ELN: variants seen among roughly 807,000 people sequenced by gnomAD.
The protein encoded by ELN is elastin.
ELN carries 65 observed loss-of-function variants against 105.8 expected under a neutral mutation model. The ratio of observed to expected loss-of-function variants is 0.61; its 90% CI spans 0.50 to 0.75. ELN has a LOEUF of 0.75. Among genes scored for constraint, ELN ranks in the 30% least tolerant of loss-of-function variants. The pLI is 0.00. For synonymous variants in ELN, 368 were observed against 389.2 expected, an observed-to-expected ratio of 0.95 and a Z score of 0.64; for missense variants, 882 against 969.4, an observed-to-expected ratio of 0.91 and a Z score of 1.20.
At position 74,066,016 on chromosome 7, in the gene ELN, G is replaced by A. The variant is rs1554689005; in HGVS notation, c.2086+19G>A. The A allele has an allele frequency of 6.2e-7, 1 of 1,614,058 alleles. No individual in the cohort carries two copies. The highest frequency in any genetic ancestry group is 1.7e-5 in the Admixed American group (1 of 60,018). ...CTTGGAGGTAGGGGTGGCCAGCTCTGCTACGTAGTCCTCAGCTCTGTCCCG... is the reference window on the plus strand; with the variant it reads ...CTTGGAGGTAGGGGTGGCCAGCTCTACTACGTAGTCCTCAGCTCTGTCCCG... On this transcript the variant is annotated intron_variant, in intron 31 of 32. Coordinates refer to ENST00000252034, the MANE Select transcript of ELN (RefSeq NM_000501.4).
chr7:74,048,173 G>A lies in ELN; in HGVS notation c.717G>A (p.Ala239=), dbSNP rs782502253. 95 of 1,613,822 alleles carry A rather than the reference G, an allele frequency of 5.9e-5. No homozygotes were observed. The Admixed American group carries it at 7.7e-4, about 13-fold the overall frequency. ...GGCCCGGAGGAGTGGCTGGTGCAGC[G>A]GGCAAGGCTGGTTACCCAACAGGGA... is the stretch of plus-strand genomic sequence containing the variant. ...GYGPGGVAGA[A]GKAGYPTGTG... Residue 239 remains alanine, a synonymous_variant, in exon 14 of 33, where the codon GCG becomes GCA. Coordinates refer to ENST00000252034, the MANE Select transcript of ELN (RefSeq NM_000501.4).
chr7:74,043,796 G>A, intron 8 of ELN, 83 bp from the exon 9 acceptor site: 4 of 1,569,484 alleles, frequency 2.5e-6, no homozygotes, highest in Non-Finnish European at 3.5e-6. Flanking sequence ...TGAGGGCCTT[G>A]GAGCTGCCTG....
chr7:74,055,633 C>T (rs537781997), intron 19 of ELN, among the ~76,000 whole-genome samples: 187 of 152,030 alleles, frequency 1.2e-3, no homozygotes, highest in Non-Finnish European at 2.4e-3. Flanking sequence ...ACATGCACCA[C>T]CATGCCTGGC....
chr7:74,055,787 A>G (rs1563834343), intron 19 of ELN, among the ~76,000 whole-genome samples: 2 of 133,148 alleles, frequency 1.5e-5, no homozygotes, highest in Middle Eastern at 6.8e-3. Flanking sequence ...GGCCAAAAAA[A>G]AGAAATTTTT....
At chr7:74,062,477 A>G (rs868973303) in intron 26 of ELN, among the ~76,000 whole-genome samples, 35 of 152,338 alleles carry the variant, frequency 2.3e-4, no homozygotes, top group Admixed American at 1.2e-3. Context: ...GCTGCAATGC[A>G]TAAAAAATGG....
At chr7:74,055,070 A>G (rs782321055) in intron 19 of ELN, among the ~76,000 whole-genome samples, 14 of 152,268 alleles carry the variant, frequency 9.2e-5, no homozygotes, top group Non-Finnish European at 1.6e-4. Flanking sequence ...GATTCTGCCA[A>G]TAGTCTCTCT....
intron 22 of ELN, among the ~76,000 whole-genome samples, chr7:74,058,123 TTCTTCTTCTCCTTCC>T (rs1554681538): frequency 2.6e-5 from 4 of 151,070 alleles, no homozygotes; most frequent in Admixed American, 1.3e-4. Flanking sequence ...CTTCTCATTC[TTCTTCTTCTCCTTCC>T]TCTTCTTCTC....
chr7:74,057,709 C>T lies in ELN; in HGVS notation c.1414+13C>T. The stretch of plus-strand genomic sequence containing the variant: ...GCCGCCCAGTTTGGTAAGTCCCCCT[C>T]ACCCCCGCCACTGGCTCACGGAGAA... On this transcript the variant is annotated intron_variant, in intron 22 of 32. Coordinates refer to ENST00000252034, the MANE Select transcript of ELN (RefSeq NM_000501.4). 1 of 1,612,054 alleles carries T rather than the reference C, an allele frequency of 6.2e-7. No individual in the cohort carries two copies. Among genetic ancestry groups the T allele is most frequent in the Non-Finnish European group, 8.5e-7 (1 of 1,179,182 alleles).
chr7:74,048,139 C>T lies in ELN; in HGVS notation c.686-3C>T, dbSNP rs1554673606. The T allele has an allele frequency of 1.2e-6, 2 of 1,614,068 alleles. No individual in the cohort carries two copies. The highest frequency in any genetic ancestry group is 2.2e-5 in the East Asian group (1 of 44,886). ...ATGACCATCAAGCCTCTCTGTTTTG[C>T]AGGCTATGGGCCCGGAGGAGTGGCT... On this transcript the variant is annotated splice_polypyrimidine_tract_variant and splice_region_variant and intron_variant, in intron 13 of 32. Coordinates refer to ENST00000252034, the MANE Select transcript of ELN (RefSeq NM_000501.4).
intron 25 of ELN, chr7:74,060,723 G>A: frequency 2.4e-6 from 3 of 1,258,794 alleles, no homozygotes; most frequent in Non-Finnish European, 3.3e-6. Context: ...CTCCTCAGTA[G>A]AGGGGTGGCA....
At position 74,037,152 on chromosome 7, in the gene ELN, C is replaced by T. The variant is rs890016630; in HGVS notation, c.164-555C>T. ...CCGGCCCCTTCCTATTTCTTTTTAT[C>T]CTCAAAAACCTCCCTGCCAAGCCGG... is the stretch of plus-strand genomic sequence containing the variant. On this transcript the variant is annotated intron_variant, in intron 3 of 32. Coordinates refer to ENST00000252034, the MANE Select transcript of ELN (RefSeq NM_000501.4). Among the ~76,000 whole-genome samples the T allele has an allele frequency of 1.0e-4, 15 of 150,474 alleles. 1 individual carries two copies. Among genetic ancestry groups the T allele is most frequent in the Middle Eastern group, 3.6e-3 (1 of 280 alleles).
At chr7:74,061,245 G>A in intron 26 of ELN, 106 bp downstream of exon 26, 3 of 1,427,588 alleles carry the variant, frequency 2.1e-6, no homozygotes, top group South Asian at 1.2e-5. Flanking sequence ...GGCCGGGCGT[G>A]GTGGCTCACA....
intron 11 of ELN, 60 bp from the exon 12 acceptor site, chr7:74,046,636 G>A: frequency 1.9e-6 from 3 of 1,571,560 alleles, no homozygotes; most frequent in Middle Eastern, 1.7e-4. Flanking sequence ...AAGTGGAGTG[G>A]GTGGCGGAGG....
intron 25 of ELN, 138 bp downstream of exon 25, chr7:74,060,639 TG>T: frequency 1.9e-6 from 3 of 1,555,894 alleles, no homozygotes; most frequent in Non-Finnish European, 1.7e-6. Flanking sequence ...CCTAAGCATC[TG>T]GGGGTAACAG....
chr7:74,066,728 G>A lies in ELN; in HGVS notation c.2087-4G>A, dbSNP rs782528340. The stretch of plus-strand genomic sequence containing the variant: ...AACCCACCAACCTGAAATCTCTCCT[G>A]CAGGAGTGGCAGCAAGACCTGGCTT... On this transcript the variant is annotated splice_polypyrimidine_tract_variant and splice_region_variant and intron_variant, in intron 31 of 32. Transcript: ENST00000252034. 1.4e-5 allele frequency: 22 copies of A among 1,613,784 alleles called. No individual in the cohort carries two copies. The highest frequency in any genetic ancestry group is 1.7e-5 in the Non-Finnish European group (20 of 1,179,866).
At chr7:74,060,644 G>C (rs781969220) in intron 25 of ELN, 143 bp downstream of exon 25, 1 of 1,551,756 alleles carries the variant, frequency 6.4e-7, no homozygotes, top group South Asian at 1.2e-5. Context: ...GCATCTGGGG[G>C]TAACAGATAG....
intron 4 of ELN, among the ~76,000 whole-genome samples, chr7:74,040,536 C>T (rs1790967162): frequency 6.6e-6 from 1 of 152,224 alleles, no homozygotes; most frequent in Non-Finnish European, 1.5e-5. Context: ...GGACTCACCC[C>T]TGAGGCTCAG....
intron 15 of ELN, among the ~76,000 whole-genome samples, chr7:74,050,292 T>C (rs1421704050): frequency 6.6e-6 from 1 of 151,584 alleles, no homozygotes; most frequent in Non-Finnish European, 1.5e-5. Flanking sequence ...CACTCATCCA[T>C]CCATTCCTCC....
intron 1 of ELN, among the ~76,000 whole-genome samples, chr7:74,032,065 C>G (rs1168961164): frequency 6.6e-6 from 1 of 151,958 alleles, no homozygotes; most frequent in Non-Finnish European, 1.5e-5. Flanking sequence ...GGTGATTTTC[C>G]CATCATGGGA....
Sources: allele counts gnomAD v4.1 joint callset (sites outside exome capture counted in the v4.1 genomes callset), GRCh38; gene constraint gnomAD v4.1.1; transcripts MANE v1.5; gene names NCBI Gene and HGNC (gene_info 2026-07-23, HGNC 2026-07-21).